ATOSA: variants seen among roughly 807,000 people sequenced by gnomAD.
ATOSA encodes atos homolog protein A.
the ATOSA span, among the ~76,000 whole-genome samples, chr15:52,690,040 C>A: frequency 1.3e-5 from 2 of 152,162 alleles, no homozygotes; most frequent in Admixed American, 1.3e-4. Context: ...TTTAAGGCTC[C>A]ATGAATGAAT....
the ATOSA span, among the ~76,000 whole-genome samples, chr15:52,615,275 G>A: frequency 6.6e-6 from 1 of 152,158 alleles, no homozygotes; most frequent in Non-Finnish European, 1.5e-5. Flanking sequence ...TCTCATGAGT[G>A]CTCTTAGTTT....
At chr15:52,675,030 T>C in the ATOSA span, among the ~76,000 whole-genome samples, 1 of 152,292 alleles carries the variant, frequency 6.6e-6, no homozygotes, top group South Asian at 2.1e-4. Flanking sequence ...TCAGAGATTA[T>C]GTGATGAAGA....
At chr15:52,605,631 T>C in the ATOSA span, among the ~76,000 whole-genome samples, 1 of 152,112 alleles carries the variant, frequency 6.6e-6, no homozygotes. Context: ...TTACACACAA[T>C]ATATATATAC....
At chr15:52,703,898 A>C in the ATOSA span, among the ~76,000 whole-genome samples, 22 of 152,294 alleles carry the variant, frequency 1.4e-4, no homozygotes, top group Middle Eastern at 3.4e-3. Flanking sequence ...ATAGAGTACT[A>C]TATCGCTGTG....
At chr15:52,686,081 T>G in the ATOSA span, among the ~76,000 whole-genome samples, 1 of 152,162 alleles carries the variant, frequency 6.6e-6, no homozygotes, top group African/African-American at 2.4e-5. Flanking sequence ...TATTAGAGGG[T>G]CACACACAGA....
chr15:52,622,524 G>A, the ATOSA span, among the ~76,000 whole-genome samples: 1 of 152,118 alleles, frequency 6.6e-6, no homozygotes, highest in Non-Finnish European at 1.5e-5. Context: ...ATATTGTTGT[G>A]ATGACACAGA....
the ATOSA span, among the ~76,000 whole-genome samples, chr15:52,635,146 C>T: frequency 1.3e-5 from 2 of 152,086 alleles, no homozygotes; most frequent in African/African-American, 4.8e-5. Context: ...TCAAAATGTA[C>T]GAAGCAAAGA....
At chr15:52,668,689 T>C in the ATOSA span, among the ~76,000 whole-genome samples, 3 of 151,758 alleles carry the variant, frequency 2.0e-5, no homozygotes, top group African/African-American at 4.9e-5. Context: ...ACAATTGCAA[T>C]GTGTCAACTG....
the ATOSA span, chr15:52,587,294 T>C: frequency 3.0e-5 from 37 of 1,224,148 alleles, 1 homozygote; most frequent in South Asian, 4.4e-4. Flanking sequence ...GAATAACTCA[T>C]GTAATTTATT....
the ATOSA span, among the ~76,000 whole-genome samples, chr15:52,688,319 C>T: frequency 6.6e-6 from 1 of 152,124 alleles, no homozygotes; most frequent in Non-Finnish European, 1.5e-5. Context: ...GATGTGGTAG[C>T]AAAGAAGCTA....
the ATOSA span, among the ~76,000 whole-genome samples, chr15:52,596,919 A>G: frequency 6.6e-6 from 1 of 152,236 alleles, no homozygotes; most frequent in East Asian, 1.9e-4. Flanking sequence ...TTTGGAAAAC[A>G]TATATGCTTA....
At chr15:52,635,131 T>A in the ATOSA span, among the ~76,000 whole-genome samples, 5 of 152,124 alleles carry the variant, frequency 3.3e-5, no homozygotes, top group Non-Finnish European at 7.4e-5. Context: ...CCTAACAACA[T>A]AGCTTCAAAA....
the ATOSA span, among the ~76,000 whole-genome samples, chr15:52,650,310 T>C: frequency 6.6e-6 from 1 of 152,198 alleles, no homozygotes; most frequent in African/African-American, 2.4e-5. Flanking sequence ...CCAAATAATA[T>C]AACTTTATTT....
At chr15:52,647,060 CA>C in the ATOSA span, among the ~76,000 whole-genome samples, 2 of 152,160 alleles carry the variant, frequency 1.3e-5, no homozygotes, top group African/African-American at 4.8e-5. Context: ...CCCCTTTTGT[CA>C]ACTGTAAGTA....
the ATOSA span, chr15:52,652,036 C>T: frequency 4.0e-6 from 6 of 1,488,182 alleles, no homozygotes; most frequent in Admixed American, 4.7e-5. Flanking sequence ...CGCTTCCCTC[C>T]GTGTAAGGTT....
the ATOSA span, among the ~76,000 whole-genome samples, chr15:52,614,263 G>T: frequency 6.6e-6 from 1 of 151,696 alleles, no homozygotes; most frequent in Non-Finnish European, 1.5e-5. Context: ...GTGCCACCAC[G>T]CATGGCTATT....
chr15:52,661,155 C>T, the ATOSA span, among the ~76,000 whole-genome samples: 1 of 152,108 alleles, frequency 6.6e-6, no homozygotes, highest in African/African-American at 2.4e-5. Flanking sequence ...TTCTTTATAT[C>T]CATCTCTTTC....
At chr15:52,584,887 G>A in the ATOSA span, 3 of 1,613,070 alleles carry the variant, frequency 1.9e-6, no homozygotes, top group East Asian at 2.2e-5. Context: ...GGCATATCTC[G>A]TAAATCATAT....
the ATOSA span, chr15:52,657,011 GT>G: frequency 1.3e-4 from 20 of 152,172 alleles, no homozygotes; most frequent in African/African-American, 4.3e-4. Flanking sequence ...TTTATGAAAA[GT>G]TTTTCCATGA....
Sources: gnomAD v4.1 joint callset for allele counts (sites outside exome capture counted in the v4.1 genomes callset) on GRCh38, gnomAD v4.1.1 for gene constraint, MANE v1.5 for transcripts, NCBI Gene and HGNC (gene_info 2026-07-23, HGNC 2026-07-21) for gene names.